Variants in LMX1A observed in about 807,000 individuals in gnomAD.
The protein encoded by LMX1A is LIM homeobox transcription factor 1 alpha.
Under a neutral mutation model 49.1 loss-of-function variants are expected in LMX1A, and 15 were observed. That is an observed-to-expected ratio of 0.31 (90% CI 0.20 to 0.47). The LOEUF (loss-of-function observed/expected upper bound fraction) is 0.47. Ranked by LOEUF, LMX1A falls within the 20% of genes least tolerant of loss-of-function variation. LMX1A has a pLI of 1.00. For missense variants in LMX1A, 372 were observed against 475.8 expected, an observed-to-expected ratio of 0.78 and a Z score of 2.03; for synonymous variants, 167 against 185.7, an observed-to-expected ratio of 0.90 and a Z score of 0.82.
intron 4 of LMX1A, among the ~76,000 whole-genome samples, chr1:165,226,122 G>C (rs142333833): frequency 0.01 from 1,545 of 152,292 alleles, 12 homozygotes; most frequent in Non-Finnish European, 0.017. Context: ...CAGGTGCAGG[G>C]CTGGCCCTTG....
At chr1:165,345,557 T>C (rs1656216721) in intron 3 of LMX1A, among the ~76,000 whole-genome samples, 3 of 152,262 alleles carry the variant, frequency 2.0e-5, no homozygotes, top group Middle Eastern at 6.8e-3. Flanking sequence ...TAGCAGGACA[T>C]AATCCAGCAT....
At chr1:165,277,337 C>G (rs1234311285) in intron 3 of LMX1A, among the ~76,000 whole-genome samples, 1 of 152,184 alleles carries the variant, frequency 6.6e-6, no homozygotes. Context: ...CCACTCTCCA[C>G]CAGGGCTCAC....
intron 3 of LMX1A, among the ~76,000 whole-genome samples, chr1:165,314,217 C>T (rs1310270653): frequency 5.3e-5 from 8 of 152,150 alleles, no homozygotes; most frequent in South Asian, 2.1e-4. Flanking sequence ...TGAGGACAGT[C>T]GCCACATGTG....
intron 3 of LMX1A, among the ~76,000 whole-genome samples, chr1:165,283,038 G>A (rs561256901): frequency 2.5e-4 from 38 of 152,270 alleles, no homozygotes; most frequent in Admixed American, 1.9e-3. Context: ...CAGCTCCAGC[G>A]CACTGATTTC....
At chr1:165,264,952 C>T (rs61800557) in intron 3 of LMX1A, among the ~76,000 whole-genome samples, 12,050 of 152,016 alleles carry the variant, frequency 0.079, 550 homozygotes, top group East Asian at 0.16. Context: ...ACCTGTAATC[C>T]CAGCACTTTG....
chr1:165,265,562 A>G (rs1241902498), intron 3 of LMX1A, among the ~76,000 whole-genome samples: 1 of 152,200 alleles, frequency 6.6e-6, no homozygotes, highest in African/African-American at 2.4e-5. Flanking sequence ...TGCCTCCCTG[A>G]GCCCTGCACG....
intron 4 of LMX1A, among the ~76,000 whole-genome samples, chr1:165,220,781 C>T (rs1204351056): frequency 1.3e-5 from 2 of 152,096 alleles, no homozygotes; most frequent in Non-Finnish European, 2.9e-5. Flanking sequence ...TTAAAGATTA[C>T]TCTTTCTACG....
At chr1:165,266,846 C>T (rs936325125) in intron 3 of LMX1A, among the ~76,000 whole-genome samples, 1 of 152,116 alleles carries the variant, frequency 6.6e-6, no homozygotes, top group South Asian at 2.1e-4. Flanking sequence ...CATGATCCGC[C>T]TGCCTCAGCC....
chr1:165,259,079 T>C (rs1643312073), intron 3 of LMX1A, among the ~76,000 whole-genome samples: 1 of 152,238 alleles, frequency 6.6e-6, no homozygotes, highest in South Asian at 2.1e-4. Flanking sequence ...CATGTAAATA[T>C]TTATATAAGA....
intron 3 of LMX1A, among the ~76,000 whole-genome samples, chr1:165,253,419 A>G (rs1653125491): frequency 6.6e-6 from 1 of 152,178 alleles, no homozygotes; most frequent in African/African-American, 2.4e-5. Flanking sequence ...GAAGAAGACA[A>G]GAGTTTTGAG....
chr1:165,281,074 G>A (rs554184287), intron 3 of LMX1A, among the ~76,000 whole-genome samples: 5 of 152,254 alleles, frequency 3.3e-5, no homozygotes, highest in South Asian at 4.1e-4. Context: ...GACACTCCTT[G>A]CTAACTCTGT....
At chr1:165,279,643 T>C (rs1654086036) in intron 3 of LMX1A, among the ~76,000 whole-genome samples, 1 of 152,170 alleles carries the variant, frequency 6.6e-6, no homozygotes, top group Non-Finnish European at 1.5e-5. Context: ...CATTATTCAT[T>C]TGAGTATATC....
At chr1:165,252,434 G>GA (rs1653094856) in intron 3 of LMX1A, among the ~76,000 whole-genome samples, 2 of 152,116 alleles carry the variant, frequency 1.3e-5, no homozygotes, top group South Asian at 4.1e-4. Flanking sequence ...AAAATTGCTT[G>GA]ATGATACCAT....
intron 4 of LMX1A, among the ~76,000 whole-genome samples, chr1:165,224,436 C>T (rs1651965011): frequency 6.6e-6 from 1 of 152,168 alleles, no homozygotes; most frequent in Non-Finnish European, 1.5e-5. Flanking sequence ...TTGAAAGCAC[C>T]TACCCAACAA....
At chr1:165,287,756 G>C (rs1654338444) in intron 3 of LMX1A, among the ~76,000 whole-genome samples, 1 of 151,932 alleles carries the variant, frequency 6.6e-6, no homozygotes, top group South Asian at 2.1e-4. Flanking sequence ...ATGGCTCTTG[G>C]CTTTGCTAAA....
At chr1:165,268,743 C>T (rs905670901) in intron 3 of LMX1A, among the ~76,000 whole-genome samples, 4 of 152,218 alleles carry the variant, frequency 2.6e-5, no homozygotes, top group African/African-American at 9.6e-5. Flanking sequence ...TAGTGACACC[C>T]ATGCACCAGT....
At chr1:165,326,159 G>T (rs969951454) in intron 3 of LMX1A, among the ~76,000 whole-genome samples, 1 of 152,180 alleles carries the variant, frequency 6.6e-6, no homozygotes, top group African/African-American at 2.4e-5. Context: ...GAGAAGGCTG[G>T]GTGGAAATGA....
At chr1:165,278,922 T>C (rs989061054) in intron 3 of LMX1A, among the ~76,000 whole-genome samples, 1 of 151,952 alleles carries the variant, frequency 6.6e-6, no homozygotes, top group Non-Finnish European at 1.5e-5. Context: ...TGGGCTGAGG[T>C]TCAGACTTAT....
At chr1:165,285,504 C>T (rs1037313938) in intron 3 of LMX1A, among the ~76,000 whole-genome samples, 1 of 152,200 alleles carries the variant, frequency 6.6e-6, no homozygotes, top group Non-Finnish European at 1.5e-5. Flanking sequence ...TGTGTCTCTG[C>T]GTTGTCTGGC....
Sources: gnomAD v4.1 joint callset for allele counts (sites outside exome capture counted in the v4.1 genomes callset) on GRCh38, gnomAD v4.1.1 for gene constraint, MANE v1.5 for transcripts, NCBI Gene and HGNC (gene_info 2026-07-23, HGNC 2026-07-21) for gene names.